The following GRIK4 variants were observed in gnomAD, a reference collection of about 807,000 sequenced individuals.
GRIK4 encodes the protein glutamate ionotropic receptor kainate type subunit 4.
GRIK4 carries 40 observed loss-of-function variants against 104.9 expected under a neutral mutation model. The ratio of observed to expected loss-of-function variants is 0.38; its 90% CI spans 0.30 to 0.50. GRIK4 has a LOEUF of 0.50. Ranked by LOEUF, GRIK4 falls within the 20% of genes least tolerant of loss-of-function variation. GRIK4 has a pLI of 0.93. For missense variants in GRIK4, 1,047 were observed against 1,308.1 expected (o/e 0.80, Z 3.08); for synonymous variants, 485 against 524.9 (o/e 0.92, Z 1.04).
intron 11 of GRIK4, among the ~76,000 whole-genome samples, chr11:120,884,565 C>T (rs1220821043): frequency 6.6e-6 from 1 of 152,230 alleles, no homozygotes; most frequent in Non-Finnish European, 1.5e-5. Flanking sequence ...TGCCTCTCTC[C>T]TTCCTCCACC....
At chr11:120,603,963 G>T (rs1034382348) in intron 1 of GRIK4, among the ~76,000 whole-genome samples, 1 of 151,902 alleles carries the variant, frequency 6.6e-6, no homozygotes, top group African/African-American at 2.4e-5. Flanking sequence ...GAGGTCAGGA[G>T]ATCGAGACCA....
rs536661464 is a variant in GRIK4 at position 120,727,545 on chromosome 11, A to C, written c.82+67145A>C. Among the ~76,000 whole-genome samples, 3 of 152,326 alleles carry C rather than the reference A, an allele frequency of 2.0e-5. No homozygotes were observed. The South Asian group carries it at 6.2e-4, about 32-fold the overall frequency. On this transcript the variant is annotated intron_variant, in intron 3 of 20. Transcript: ENST00000527524. Reference sequence around the variant, plus strand: ...TCCAACTTTAATAAAAGTTACTGTAAGAAAGAGAGAATGAGATGAGTAACA... The same window carrying C: ...TCCAACTTTAATAAAAGTTACTGTACGAAAGAGAGAATGAGATGAGTAACA...
chr11:120,861,923 A>G, intron 8 of GRIK4, 36 bp from the exon 9 acceptor site: 1 of 1,558,024 alleles, frequency 6.4e-7, no homozygotes, highest in Non-Finnish European at 8.8e-7. Flanking sequence ...ACCCCTTCCT[A>G]ACTACATTCT....
At chr11:120,825,696 A>G (rs1953239671) in intron 6 of GRIK4, among the ~76,000 whole-genome samples, 1 of 152,212 alleles carries the variant, frequency 6.6e-6, no homozygotes, top group African/African-American at 2.4e-5. Context: ...ACCACTTGGG[A>G]GCTGTGTGAC....
chr11:120,763,381 T>C (rs1330584803), intron 3 of GRIK4, among the ~76,000 whole-genome samples: 2 of 152,166 alleles, frequency 1.3e-5, no homozygotes, highest in Non-Finnish European at 1.5e-5. Context: ...TGTTAGTCTT[T>C]TCAAAAAACC....
At chr11:120,866,018 T>C (rs1954398754) in intron 9 of GRIK4, among the ~76,000 whole-genome samples, 1 of 152,106 alleles carries the variant, frequency 6.6e-6, no homozygotes, top group Non-Finnish European at 1.5e-5. Context: ...CCAGTTCTTG[T>C]GGGAACTGGA....
At chr11:120,937,909 C>T (rs1276851932) in intron 13 of GRIK4, among the ~76,000 whole-genome samples, 4 of 152,144 alleles carry the variant, frequency 2.6e-5, no homozygotes, top group Non-Finnish European at 4.4e-5. Flanking sequence ...AGGAAAGCAG[C>T]GTGTGAGGAA....
chr11:120,776,554 T>C (rs1237229948), intron 3 of GRIK4, among the ~76,000 whole-genome samples: 1 of 152,246 alleles, frequency 6.6e-6, no homozygotes, highest in Non-Finnish European at 1.5e-5. Context: ...TGTATTGCTT[T>C]GTAACAAGTT....
At chr11:120,657,651 C>G (rs577007562) in intron 2 of GRIK4, among the ~76,000 whole-genome samples, 4 of 152,316 alleles carry the variant, frequency 2.6e-5, no homozygotes, top group African/African-American at 9.6e-5. Flanking sequence ...CAGAGCCATG[C>G]CTGGGTGCTG....
intron 1 of GRIK4, among the ~76,000 whole-genome samples, chr11:120,641,384 AAAC>A (rs1435561746): frequency 9.2e-5 from 14 of 152,248 alleles, no homozygotes; most frequent in African/African-American, 3.4e-4. Context: ...AAAAAAAAAA[AAAC>A]AACTAAAGGA....
At chr11:120,835,689 T>G (rs1251625612) in intron 7 of GRIK4, among the ~76,000 whole-genome samples, 2 of 152,196 alleles carry the variant, frequency 1.3e-5, no homozygotes, top group African/African-American at 4.8e-5. Flanking sequence ...GGCCCAGGGC[T>G]GCAGAATACA....
chr11:120,879,215 C>G (rs1013209120), intron 11 of GRIK4, among the ~76,000 whole-genome samples: 1 of 152,178 alleles, frequency 6.6e-6, no homozygotes, highest in African/African-American at 2.4e-5. Flanking sequence ...TCCTCACTTT[C>G]CTGGAATCCC....
chr11:120,868,434 A>C (rs1954485551), intron 9 of GRIK4: 1 of 152,016 alleles, frequency 6.6e-6, no homozygotes, highest in Non-Finnish European at 1.5e-5. Flanking sequence ...AGCAGAGACA[A>C]AAGCGAGAGG....
rs890916656 is a variant in GRIK4 at position 120,825,567 on chromosome 11, C to A, written c.511+5647C>A. On this transcript the variant is annotated intron_variant, in intron 6 of 20. Transcript: ENST00000527524. The stretch of plus-strand genomic sequence containing the variant: ...TTGTCCTCCTACCAGCCTGTGATCA[C>A]CAAACGTGGCCCAGGCTACTAGAGA... Among the ~76,000 whole-genome samples the A allele has an allele frequency of 5.9e-5, 9 of 152,338 alleles. No homozygotes were observed. In the East Asian group the frequency reaches 1.7e-3, roughly 29 times the overall value.
intron 3 of GRIK4, among the ~76,000 whole-genome samples, chr11:120,787,847 C>CTTCTTTTTTTTTTTTTTTT (rs1565352273): frequency 9.0e-5 from 5 of 55,576 alleles, no homozygotes; most frequent in African/African-American, 3.4e-4. Context: ...TTTTTCTTTT[C>CTTCTTTTTTTTTTTTTTTT]TTTTCTTTTT....
intron 3 of GRIK4, among the ~76,000 whole-genome samples, chr11:120,762,710 C>A (rs900707346): frequency 2.0e-5 from 3 of 152,072 alleles, no homozygotes; most frequent in Admixed American, 1.3e-4. Flanking sequence ...TGGTTTTTGT[C>A]ATTGGTTCTG....
chr11:120,536,919 G>A (rs1276683696), intron 1 of GRIK4, among the ~76,000 whole-genome samples: 2 of 152,230 alleles, frequency 1.3e-5, no homozygotes, highest in Admixed American at 6.5e-5. Flanking sequence ...CGGCCCAGAC[G>A]CCTGCTGAGG....
At position 120,667,158 on chromosome 11, in the gene GRIK4, CTT is replaced by C. The variant is rs1949928516; in HGVS notation, c.82+6759_82+6760del. On this transcript the variant is annotated intron_variant, in intron 3 of 20. Transcript: ENST00000527524. ...GATACAATCTTTTCACCTTTGGTCTCTTCTCATCCTCTCATAGGGAGACATTT... is the reference window on the plus strand; with the variant it reads ...GATACAATCTTTTCACCTTTGGTCTCCTCATCCTCTCATAGGGAGACATTT... 2.0e-5 allele frequency among the ~76,000 whole-genome samples: 3 copies of C among 152,330 alleles called. No individual in the cohort carries two copies. In the South Asian group the frequency reaches 6.2e-4, roughly 32 times the overall value.
At chr11:120,848,748 A>G (rs1320501304) in intron 8 of GRIK4, among the ~76,000 whole-genome samples, 2 of 152,206 alleles carry the variant, frequency 1.3e-5, no homozygotes, top group African/African-American at 4.8e-5. Flanking sequence ...ATCACTAAAA[A>G]TGAAAATTAA....
Sources: allele counts gnomAD v4.1 joint callset (sites outside exome capture counted in the v4.1 genomes callset), GRCh38; gene constraint gnomAD v4.1.1; transcripts MANE v1.5; gene names NCBI Gene and HGNC (gene_info 2026-07-23, HGNC 2026-07-21).